The following KAT6B variants were observed in gnomAD, a reference collection of about 807,000 sequenced individuals.
KAT6B encodes lysine acetyltransferase 6B.
In KAT6B, 10 loss-of-function variants were observed where a neutral mutation model predicts 187.5. The observed-to-expected ratio is 0.05, with a 90% CI of 0.03 to 0.09. The LOEUF (loss-of-function observed/expected upper bound fraction) is 0.09. Ranked by LOEUF, KAT6B falls within the 10% of genes least tolerant of loss-of-function variation. The probability of loss-of-function intolerance (pLI) is 1.00; values close to 1 mark genes in which losing one functional copy is unlikely to be tolerated. For missense variants in KAT6B, 1,952 were observed against 2,558.9 expected (o/e 0.76, Z 5.12); for synonymous variants, 861 against 926.8 (o/e 0.93, Z 1.29).
intron 3 of KAT6B, among the ~76,000 whole-genome samples, chr10:74,914,013 C>T (rs140690321): frequency 0.012 from 1,880 of 152,088 alleles, 41 homozygotes; most frequent in African/African-American, 0.043. Context: ...TGGTGAAACC[C>T]TGTCTCTACT....
chr10:74,839,826 G>A (rs1387502306), intron 2 of KAT6B, among the ~76,000 whole-genome samples: 1 of 152,218 alleles, frequency 6.6e-6, no homozygotes, highest in Non-Finnish European at 1.5e-5. Flanking sequence ...TATCCTGAAA[G>A]TGGTTGCACT....
At chr10:74,964,174 T>TG (rs1841302318) in intron 4 of KAT6B, among the ~76,000 whole-genome samples, 2 of 151,906 alleles carry the variant, frequency 1.3e-5, no homozygotes. Flanking sequence ...GATTGGGGGT[T>TG]GGGGGAAAGA....
At chr10:74,849,479 GA>G (rs1421628438) in intron 3 of KAT6B, among the ~76,000 whole-genome samples, 4 of 150,264 alleles carry the variant, frequency 2.7e-5, no homozygotes, top group Non-Finnish European at 5.9e-5. Context: ...TTTTAGTAGA[GA>G]CAGGGTTTCA....
chr10:74,843,119 T>G lies in KAT6B; in HGVS notation c.262T>G (p.Phe88Val), dbSNP rs1364042355. 2 of 1,614,200 alleles carry G rather than the reference T, an allele frequency of 1.2e-6. No homozygotes were observed. The highest frequency in any genetic ancestry group is 4.5e-5 in the East Asian group (2 of 44,884). Residue 88 changes from phenylalanine to valine, a missense_variant, in exon 3 of 18, where the codon TTT becomes GTT. Physicochemically the swap from Phe to Val is conservative, Grantham distance 50. This residue lies in a region of KAT6B where 218 missense variants were observed against 282.6 expected (regional missense o/e 0.77). Coordinates refer to ENST00000287239, the MANE Select transcript of KAT6B (RefSeq NM_012330.4). The part of the protein sequence containing the change: ...GRFSSVKPGT[F>V]PKSAKGSRGS... ...CTTTTCATCAGTTAAACCAGGCACTTTTCCTAAGTCAGCCAAGGGGTCTAG... is the reference window on the plus strand; with the variant it reads ...CTTTTCATCAGTTAAACCAGGCACTGTTCCTAAGTCAGCCAAGGGGTCTAG...
chr10:75,000,698 C>A (rs1843770562), intron 13 of KAT6B, among the ~76,000 whole-genome samples: 1 of 152,132 alleles, frequency 6.6e-6, no homozygotes, highest in Admixed American at 6.5e-5. Flanking sequence ...GTGGAATAAT[C>A]ATAAAAATGT....
chr10:74,898,750 G>T (rs1391068787), intron 3 of KAT6B, among the ~76,000 whole-genome samples: 3 of 152,112 alleles, frequency 2.0e-5, no homozygotes, highest in African/African-American at 7.2e-5. Context: ...GAAGAAAGAA[G>T]GCTAAGACAG....
intron 3 of KAT6B, among the ~76,000 whole-genome samples, chr10:74,926,503 A>G (rs1848513886): frequency 6.6e-6 from 1 of 152,222 alleles, no homozygotes; most frequent in Non-Finnish European, 1.5e-5. Flanking sequence ...CATATTGCCT[A>G]CAGGAGAAAA....
intron 12 of KAT6B, among the ~76,000 whole-genome samples, chr10:74,986,896 C>T (rs1715935101): frequency 6.6e-6 from 1 of 152,212 alleles, no homozygotes; most frequent in African/African-American, 2.4e-5. Context: ...GACCATCCCA[C>T]TCCTGGGTCT....
chr10:74,988,946 A>T (rs985802600), intron 12 of KAT6B, 73 bp from the exon 13 acceptor site: 7 of 1,008,110 alleles, frequency 6.9e-6, no homozygotes, highest in Non-Finnish European at 1.1e-5. Flanking sequence ...TTTTACAAGG[A>T]CAGTGGCAGG....
At chr10:74,871,732 G>C (rs1422633597) in intron 3 of KAT6B, among the ~76,000 whole-genome samples, 1 of 152,180 alleles carries the variant, frequency 6.6e-6, no homozygotes, top group Non-Finnish European at 1.5e-5. Context: ...ATACCAAGAT[G>C]AGTAAGAACA....
intron 3 of KAT6B, among the ~76,000 whole-genome samples, chr10:74,937,386 C>A (rs1018741571): frequency 6.6e-6 from 1 of 152,182 alleles, no homozygotes; most frequent in African/African-American, 2.4e-5. Flanking sequence ...GCACAGCCAG[C>A]CTTCATTACC....
At chr10:74,897,004 A>C (rs1023024919) in intron 3 of KAT6B, among the ~76,000 whole-genome samples, 5 of 152,194 alleles carry the variant, frequency 3.3e-5, no homozygotes, top group African/African-American at 1.2e-4. Context: ...CAAAGAAAGA[A>C]TTTATTGACT....
chr10:74,873,695 A>G (rs1240708181), intron 3 of KAT6B, among the ~76,000 whole-genome samples: 1 of 152,130 alleles, frequency 6.6e-6, no homozygotes, highest in Non-Finnish European at 1.5e-5. Context: ...AAGAGATTTT[A>G]GGGGAGAGAG....
rs1375115096 is a variant in KAT6B at position 75,031,880 on chromosome 10, A to T, written c.*834A>T. 4 of 187,914 alleles carry T rather than the reference A, an allele frequency of 2.1e-5. No individual in the cohort carries two copies. The highest frequency in any genetic ancestry group is 2.0e-4 in the South Asian group (1 of 5,094). 11.6% of individuals were successfully genotyped at this position (187,914 alleles called of 1,614,324 possible). ...TATGTCCAAATACTTGGCAGGATTT[A>T]AAAAAAAATAGTGAATTTGGTGTAA... On this transcript the variant is annotated 3_prime_UTR_variant, in exon 18 of 18. Transcript: ENST00000287239.
intron 3 of KAT6B, among the ~76,000 whole-genome samples, chr10:74,929,257 T>C (rs2133151240): frequency 6.6e-6 from 1 of 152,342 alleles, no homozygotes; most frequent in Admixed American, 6.5e-5. Context: ...TCAGAATGTC[T>C]GATTTATTTA....
chr10:74,935,447 C>T (rs1197190478), intron 3 of KAT6B, among the ~76,000 whole-genome samples: 2 of 151,468 alleles, frequency 1.3e-5, no homozygotes, highest in South Asian at 4.2e-4. Flanking sequence ...CAATGGCATG[C>T]GCCACCATGC....
chr10:74,836,813 G>T (rs1358203180), intron 1 of KAT6B, among the ~76,000 whole-genome samples: 1 of 152,122 alleles, frequency 6.6e-6, no homozygotes, highest in Non-Finnish European at 1.5e-5. Context: ...TGCTCACTCA[G>T]TTACACAATG....
intron 13 of KAT6B, among the ~76,000 whole-genome samples, chr10:75,018,681 C>T (rs1845170029): frequency 6.6e-6 from 1 of 152,178 alleles, no homozygotes; most frequent in Admixed American, 6.5e-5. Flanking sequence ...CACATACCAC[C>T]TTGGTATGAA....
Position 75,030,538 on chromosome 10 carries a change from T to C in KAT6B, c.5714T>C (p.Ile1905Thr), listed in dbSNP as rs775168515. Residue 1905 changes from isoleucine (I) to threonine (T), a missense_variant, in exon 18 of 18, where the codon ATT becomes ACT. Ile to Thr is a moderately conservative substitution (Grantham distance 89). This residue lies in a region of KAT6B where 358 missense variants were observed against 436.3 expected (regional missense o/e 0.82). Transcript: ENST00000287239. The surrounding 1 kb of genome is among the most constrained non-coding windows in gnomAD (Gnocchi z 4.8). ...LLQRNMAASN[I>T]GISHSQRLQT... is the part of the protein sequence containing the mutation. The stretch of plus-strand genomic sequence containing the variant: ...CAACGGAACATGGCTGCATCAAATA[T>C]TGGCATCTCTCACAGCCAAAGACTG... 4 of 1,607,766 alleles carry C rather than the reference T, an allele frequency of 2.5e-6. No homozygotes were observed. The highest frequency in any genetic ancestry group is 1.7e-5 in the Admixed American group (1 of 59,780).
Sources: allele counts gnomAD v4.1 joint callset (sites outside exome capture counted in the v4.1 genomes callset), GRCh38; gene constraint gnomAD v4.1.1; regional missense constraint gnomAD v4.1.1; non-coding constraint Gnocchi (gnomAD v3.1); transcripts MANE v1.5; gene names NCBI Gene and HGNC (gene_info 2026-07-23, HGNC 2026-07-21).